Variants in ABHD2 observed in about 807,000 individuals in gnomAD.
ABHD2 encodes the protein monoacylglycerol lipase ABHD2.
A neutral mutation model predicts 48.1 loss-of-function variants in ABHD2; 20 were observed. That is an observed-to-expected ratio of 0.42 (90% CI 0.29 to 0.60). The LOEUF (loss-of-function observed/expected upper bound fraction) is 0.60. Ranked by LOEUF, ABHD2 falls within the 20% of genes least tolerant of loss-of-function variation. ABHD2 has a pLI of 0.24. For missense variants in ABHD2, 405 were observed against 550.9 expected (o/e 0.74, Z 2.65); for synonymous variants, 209 against 214.2 (o/e 0.98, Z 0.21).
chr15:89,140,348 T>C (rs1205794395), intron 3 of ABHD2, among the ~76,000 whole-genome samples: 2 of 152,192 alleles, frequency 1.3e-5, no homozygotes. Flanking sequence ...ATACTGGAGG[T>C]GGCTGTGTTT....
At chr15:89,143,534 G>A (rs1046167103) in intron 3 of ABHD2, among the ~76,000 whole-genome samples, 3 of 152,118 alleles carry the variant, frequency 2.0e-5, no homozygotes, top group Non-Finnish European at 4.4e-5. Flanking sequence ...GGGCATAGTG[G>A]TGCATGCCTG....
At chr15:89,183,385 ATATAT>A (rs1238220786) in intron 6 of ABHD2, 107 of 17,946 alleles carry the variant, frequency 6.0e-3, no homozygotes, top group African/African-American at 0.03. Flanking sequence ...AAAAAAAAAA[ATATAT>A]ATATATATAT....
chr15:89,084,073 T>G (rs752938662), upstream of ABHD2, among the ~76,000 whole-genome samples: 54 of 152,310 alleles, frequency 3.5e-4, no homozygotes, highest in Middle Eastern at 3.4e-3. The surrounding 1 kb of genome is among the most constrained non-coding windows in gnomAD (Gnocchi z 4.4). Flanking sequence ...CTTAGCCTCA[T>G]CCTTTCCATT....
chr15:89,076,364 A>C, the ABHD2 span, among the ~76,000 whole-genome samples: 4 of 152,236 alleles, frequency 2.6e-5, no homozygotes, highest in Non-Finnish European at 5.9e-5. Context: ...TTCATCCATC[A>C]GTATGTCAAT....
intron 3 of ABHD2, among the ~76,000 whole-genome samples, chr15:89,126,688 G>A (rs1371989737): frequency 1.3e-5 from 2 of 152,206 alleles, no homozygotes; most frequent in Non-Finnish European, 2.9e-5. Context: ...GGGTAAGTAA[G>A]AATTTTTCCT....
rs570343312 is a variant in ABHD2, at chr15:89,118,933, C to T, written c.194+2412C>T. Among the ~76,000 whole-genome samples, 10 of 152,258 alleles carry T rather than the reference C, an allele frequency of 6.6e-5. No individual in the cohort carries two copies. In the South Asian group the frequency reaches 2.1e-3, roughly 32 times the overall value. ...GTGTGACCTCTACTGAAATGGCTCC[C>T]ACCCACCTCCTCCTATGGAAGTGGA... On this transcript the variant is annotated intron_variant, in intron 3 of 10. Transcript: ENST00000352732.
At chr15:89,057,223 C>A in the ABHD2 span, among the ~76,000 whole-genome samples, 3 of 152,130 alleles carry the variant, frequency 2.0e-5, no homozygotes, top group African/African-American at 7.2e-5. Flanking sequence ...CAGCGTGATA[C>A]CATTTTTAAA....
chr15:89,046,952 T>G, the ABHD2 span, among the ~76,000 whole-genome samples: 1 of 152,050 alleles, frequency 6.6e-6, no homozygotes, highest in Non-Finnish European at 1.5e-5. Context: ...TTGAATGTGT[T>G]TGCTCTTGCT....
In ABHD2 at chr15:89,186,478, C is replaced by T. The variant is rs1042726524; in HGVS notation, c.815+962C>T. Among the ~76,000 whole-genome samples, 1 of 152,160 alleles carries T rather than the reference C, an allele frequency of 6.6e-6. No homozygotes were observed. On this transcript the variant is annotated intron_variant, in intron 7 of 10. Transcript: ENST00000352732. This position sits in a 1 kb window ranked among gnomAD's most constrained non-coding sequence, Gnocchi z 4.3. ...ACTTAGAGGTTCCTGTGTCCCCTGG[C>T]CTCTGCCACACTACTTACTGCCCTT...
At chr15:89,140,892 T>C (rs2050391561) in intron 3 of ABHD2, among the ~76,000 whole-genome samples, 1 of 152,220 alleles carries the variant, frequency 6.6e-6, no homozygotes. Context: ...GAGAACTGCC[T>C]GGCTCCCTTT....
the ABHD2 span, among the ~76,000 whole-genome samples, chr15:89,078,725 C>CTTTTTTT: frequency 1.8e-4 from 26 of 143,702 alleles, no homozygotes; most frequent in Non-Finnish European, 2.1e-4. Context: ...ACAATGTAGG[C>CTTTTTTT]TTTTTTTTTT....
chr15:89,157,023 G>C (rs1170822664), intron 5 of ABHD2, among the ~76,000 whole-genome samples: 1 of 152,128 alleles, frequency 6.6e-6, no homozygotes, highest in Non-Finnish European at 1.5e-5. Flanking sequence ...GTCATAGCAT[G>C]TATATCTATG....
intron 3 of ABHD2, among the ~76,000 whole-genome samples, chr15:89,126,484 T>C (rs975916558): frequency 2.6e-5 from 4 of 152,262 alleles, no homozygotes; most frequent in African/African-American, 9.6e-5. Flanking sequence ...AGCCAACTTT[T>C]ATCAGCCTCT....
the ABHD2 span, among the ~76,000 whole-genome samples, chr15:89,072,693 AGG>A: frequency 3.9e-5 from 6 of 152,310 alleles, no homozygotes; most frequent in Non-Finnish European, 7.3e-5. Flanking sequence ...AAGCTGACTG[AGG>A]CAGCTCTACA....
At chr15:89,045,846 C>T in the ABHD2 span, among the ~76,000 whole-genome samples, 32 of 151,688 alleles carry the variant, frequency 2.1e-4, 4 homozygotes, top group Middle Eastern at 0.01. Context: ...CTGCAAACAG[C>T]GACAATTTGA....
chr15:89,195,571 A>G lies in ABHD2; in HGVS notation c.*148A>G. On this transcript the variant is annotated 3_prime_UTR_variant, in exon 11 of 11. Coordinates refer to ENST00000352732, the MANE Select transcript of ABHD2 (RefSeq NM_152924.5). The surrounding 1 kb of genome is among the most constrained non-coding windows in gnomAD (Gnocchi z 5.1). ...CACCCACCATGCACACCTGTCTCGG[A>G]GTAGGCAGCTCTTCCTGGGAGCTCC... 1.3e-6 allele frequency: 1 copy of G among 788,002 alleles called. No homozygotes were observed. The highest frequency in any genetic ancestry group is 1.9e-6 in the Non-Finnish European group (1 of 518,528). 48.8% of individuals were successfully genotyped at this position (788,002 alleles called of 1,614,324 possible).
At chr15:89,052,546 GA>G in the ABHD2 span, among the ~76,000 whole-genome samples, 2 of 137,066 alleles carry the variant, frequency 1.5e-5, no homozygotes, top group African/African-American at 5.9e-5. Context: ...CAGACAGACA[GA>G]CAGACAGACA....
chr15:89,125,395 T>C (rs955667046), intron 3 of ABHD2, among the ~76,000 whole-genome samples: 7 of 152,240 alleles, frequency 4.6e-5, no homozygotes, highest in East Asian at 1.9e-4. Context: ...TGCAAACTTA[T>C]ATTGTTAGAA....
chr15:89,065,361 A>G, the ABHD2 span, among the ~76,000 whole-genome samples: 3 of 152,184 alleles, frequency 2.0e-5, no homozygotes, highest in African/African-American at 4.8e-5. Flanking sequence ...ATAACACCAT[A>G]TTAGGAGGCT....
Sources: gnomAD v4.1 joint callset for allele counts (sites outside exome capture counted in the v4.1 genomes callset) on GRCh38, gnomAD v4.1.1 for gene constraint, Gnocchi (gnomAD v3.1) non-coding constraint, MANE v1.5 for transcripts, NCBI Gene and HGNC (gene_info 2026-07-23, HGNC 2026-07-21) for gene names.